The following PRDM5 variants were observed in gnomAD, a reference collection of about 807,000 sequenced individuals.
The protein encoded by PRDM5 is PR/SET domain 5.
PRDM5 carries 56 observed loss-of-function variants against 81.2 expected under a neutral mutation model. The observed-to-expected ratio is 0.69, with a 90% confidence interval of 0.56 to 0.86. The LOEUF (loss-of-function observed/expected upper bound fraction) is 0.86. Among genes scored for constraint, PRDM5 ranks in the 40% least tolerant of loss-of-function variants. The pLI, the probability that PRDM5 is intolerant of heterozygous loss-of-function variation, is 0.00. For synonymous variants in PRDM5, 267 were observed against 256.4 expected (o/e 1.04, Z -0.39); for missense variants, 697 against 770.1 (o/e 0.91, Z 1.12).
rs1354865739 is a variant in PRDM5 at position 120,777,209 on chromosome 4, C to T, written c.1516G>A (p.Val506Ile). 6.2e-7 allele frequency: 1 copy of T among 1,613,256 alleles called. No homozygotes were observed. The highest frequency in any genetic ancestry group is 1.3e-5 in the African/African-American group (1 of 74,840). Residue 506 changes from valine (V) to isoleucine (I), a missense_variant, in exon 13 of 16, where the codon GTT becomes ATT. Coordinates refer to ENST00000264808, the MANE Select transcript of PRDM5 (RefSeq NM_018699.4). ...ATACCTGTGTGGCTCCGGATATGAA[C>T]TCTGAGTGTACCACTGCTGGCAAAT... The part of the protein sequence containing the change: ...QKFASSGTLR[V>I]HIRSHTGERP...
chr4:120,864,423 G>A (rs1465068077), intron 2 of PRDM5, among the ~76,000 whole-genome samples: 1 of 152,108 alleles, frequency 6.6e-6, no homozygotes, highest in Non-Finnish European at 1.5e-5. Flanking sequence ...GGTGAAATCA[G>A]GACAGGCAAA....
chr4:120,713,743 A>T lies in PRDM5; in HGVS notation c.1624-3330T>A, dbSNP rs532052907. Among the ~76,000 whole-genome samples, 8 of 152,276 alleles carry T rather than the reference A, an allele frequency of 5.3e-5. No individual in the cohort carries two copies. In the South Asian group the frequency reaches 1.7e-3, roughly 32 times the overall value. On this transcript the variant is annotated intron_variant, in intron 14 of 15. Transcript: ENST00000264808. ...TATTTTATTTATATCTTGATTTTTA[A>T]TGCTTGTCTTAGTCATTTTGAGCTG...
chr4:120,859,750 G>A (rs969203133), intron 2 of PRDM5, among the ~76,000 whole-genome samples: 1 of 152,114 alleles, frequency 6.6e-6, no homozygotes, highest in African/African-American at 2.4e-5. Context: ...CTGAAGCTCT[G>A]CCCTCTCAAA....
intron 13 of PRDM5, among the ~76,000 whole-genome samples, chr4:120,764,702 A>G (rs1746132700): frequency 6.6e-6 from 1 of 152,224 alleles, no homozygotes; most frequent in Non-Finnish European, 1.5e-5. Flanking sequence ...GACTTTGCTT[A>G]TAAGAAAATT....
intron 1 of PRDM5, among the ~76,000 whole-genome samples, chr4:120,922,111 CG>C (rs1725012017): frequency 6.6e-6 from 1 of 152,234 alleles, no homozygotes; most frequent in South Asian, 2.1e-4. Context: ...GCAGCGTGCG[CG>C]CGGGGGAAAA....
chr4:120,844,766 T>C (rs1758459215), intron 3 of PRDM5, among the ~76,000 whole-genome samples: 1 of 152,212 alleles, frequency 6.6e-6, no homozygotes, highest in Non-Finnish European at 1.5e-5. Context: ...AAGCTAGAAA[T>C]GACTAAGCTT....
intron 3 of PRDM5, among the ~76,000 whole-genome samples, chr4:120,841,924 C>A (rs993657308): frequency 6.6e-6 from 1 of 152,170 alleles, no homozygotes; most frequent in East Asian, 1.9e-4. Context: ...ATATTTAGTG[C>A]AATATTGATT....
chr4:120,885,697 G>A (rs1456193431), intron 2 of PRDM5: 1 of 152,200 alleles, frequency 6.6e-6, no homozygotes, highest in Non-Finnish European at 1.5e-5. Flanking sequence ...ACGAGGCTGA[G>A]GCAGGAGAAT....
chr4:120,725,984 A>G (rs180736717), intron 14 of PRDM5, among the ~76,000 whole-genome samples: 18 of 152,258 alleles, frequency 1.2e-4, no homozygotes. Context: ...AGTACTGTCA[A>G]GACCTCTAGC....
At chr4:120,876,119 C>G (rs921266330) in intron 2 of PRDM5, among the ~76,000 whole-genome samples, 3 of 152,140 alleles carry the variant, frequency 2.0e-5, no homozygotes, top group African/African-American at 7.2e-5. Context: ...TACAAATGAG[C>G]CACAGAGAAA....
At chr4:120,903,713 A>G (rs11098590) in intron 2 of PRDM5, among the ~76,000 whole-genome samples, 140,843 of 152,218 alleles carry the variant, frequency 0.93, 65,304 homozygotes, top group East Asian at 0.97. Context: ...TCATTGGGGC[A>G]GTTTACCCAA....
chr4:120,724,360 G>A (rs765215603), intron 14 of PRDM5, among the ~76,000 whole-genome samples: 1 of 152,164 alleles, frequency 6.6e-6, no homozygotes, highest in Non-Finnish European at 1.5e-5. Context: ...TCAAGTTGAG[G>A]TGCACTTGTC....
chr4:120,747,619 C>A (rs1273209619), intron 14 of PRDM5, among the ~76,000 whole-genome samples: 1 of 152,108 alleles, frequency 6.6e-6, no homozygotes, highest in Non-Finnish European at 1.5e-5. Flanking sequence ...GGTGTCAAGG[C>A]AAAGTGCAAA....
chr4:120,823,939 C>T lies in PRDM5; in HGVS notation c.301-2594G>A, dbSNP rs185632107. Among the ~76,000 whole-genome samples, 416 of 152,230 alleles carry T rather than the reference C, an allele frequency of 2.7e-3. 2 individuals carry two copies. Among genetic ancestry groups the T allele is most frequent in the Admixed American group, 6.5e-3 (99 of 15,270 alleles). On this transcript the variant is annotated intron_variant, in intron 3 of 15. Transcript: ENST00000264808. ...GAATGAGTTCTTCCTCTATTACTTC[C>T]CCAGAGAGCTGATTATTAGAAAGAG...
At chr4:120,872,150 C>CA (rs70948365) in intron 2 of PRDM5, among the ~76,000 whole-genome samples, 15,671 of 41,318 alleles carry the variant, frequency 0.38, 3,549 homozygotes, top group East Asian at 0.53. Context: ...GACTCCATCT[C>CA]AAAAAAAAAA....
intron 3 of PRDM5, among the ~76,000 whole-genome samples, chr4:120,823,595 T>A (rs1194196840): frequency 6.6e-6 from 1 of 152,242 alleles, no homozygotes; most frequent in Admixed American, 6.5e-5. Context: ...CTTCCTTGCA[T>A]ACACTGCACT....
At chr4:120,783,225 C>T (rs551579588) in intron 11 of PRDM5, among the ~76,000 whole-genome samples, 11 of 152,080 alleles carry the variant, frequency 7.2e-5, no homozygotes, top group African/African-American at 2.6e-4. Context: ...TCTGGTTTTC[C>T]CATTCTTTTC....
intron 14 of PRDM5, among the ~76,000 whole-genome samples, chr4:120,741,487 G>A (rs988224227): frequency 1.1e-4 from 16 of 151,508 alleles, no homozygotes; most frequent in African/African-American, 3.9e-4. Context: ...GCAGAAGACG[G>A]GTGATTACTG....
At chr4:120,720,995 A>G (rs2149056541) in intron 14 of PRDM5, among the ~76,000 whole-genome samples, 1 of 152,364 alleles carries the variant, frequency 6.6e-6, no homozygotes. Context: ...AAATAGAAAC[A>G]AGGAGGCACC....
Sources: gnomAD v4.1 joint callset for allele counts (sites outside exome capture counted in the v4.1 genomes callset) on GRCh38, gnomAD v4.1.1 for gene constraint, MANE v1.5 for transcripts, NCBI Gene and HGNC (gene_info 2026-07-23, HGNC 2026-07-21) for gene names.